The following SBNO1 variants were observed in gnomAD, a reference collection of about 807,000 sequenced individuals.
SBNO1 encodes the protein protein strawberry notch homolog 1.
SBNO1 carries 23 observed loss-of-function variants against 173.6 expected under a neutral mutation model. The ratio of observed to expected loss-of-function variants is 0.13; its 90% CI spans 0.10 to 0.19. SBNO1 has a LOEUF of 0.19. Ranked by LOEUF, SBNO1 falls within the 10% of genes least tolerant of loss-of-function variation. The pLI is 1.00. For missense variants in SBNO1, 1,238 were observed against 1,671.2 expected (o/e 0.74, Z 4.52); for synonymous variants, 632 against 571.5 (o/e 1.11, Z -1.51).
At chr12:123,342,638 T>C (rs1238899498) in intron 4 of SBNO1, among the ~76,000 whole-genome samples, 3 of 152,222 alleles carry the variant, frequency 2.0e-5, no homozygotes. Flanking sequence ...CACTTTCTTC[T>C]ATACCACTGG....
chr12:123,322,518 G>A (rs560207762), intron 16 of SBNO1, among the ~76,000 whole-genome samples: 5 of 151,800 alleles, frequency 3.3e-5, no homozygotes, highest in Non-Finnish European at 5.9e-5. Flanking sequence ...GGCTGGTCTC[G>A]AACTCCTGAC....
chr12:123,305,265 C>T (rs2048885247), intron 28 of SBNO1, among the ~76,000 whole-genome samples: 1 of 152,210 alleles, frequency 6.6e-6, no homozygotes, highest in African/African-American at 2.4e-5. Flanking sequence ...CAGTCCTCTG[C>T]ACTTGTCTAC....
In SBNO1 at chr12:123,298,046, G is replaced by A. The variant is rs1345947566; in HGVS notation, c.3971C>T (p.Ser1324Phe). Reference sequence around the variant, plus strand: ...CATCTTCACGTTTGTGCCACTGACAGATGCTAGAACACCCTCAACTTTTGT... The same window carrying A: ...CATCTTCACGTTTGTGCCACTGACAAATGCTAGAACACCCTCAACTTTTGT... ...VWTKVEGVLA[S>F]VSGTNVKMQI... is the part of the protein sequence containing the mutation. Residue 1324 changes from serine (S) to phenylalanine (F), a missense_variant, in exon 31 of 32, where the codon TCT becomes TTT. Transcript: ENST00000602398. The A allele has an allele frequency of 6.2e-7, 1 of 1,614,048 alleles. No homozygotes were observed. The highest frequency in any genetic ancestry group is 8.5e-7 in the Non-Finnish European group (1 of 1,179,992).
At position 123,346,068 on chromosome 12, in the gene SBNO1, T is replaced by C. The variant is rs537919659; in HGVS notation, c.238-498A>G. ...GGTATAGTTGTAATATAACCCTTTC[T>C]ATAACTGTCAGGGATGGCAAGCATA... is the stretch of plus-strand genomic sequence containing the variant. On this transcript the variant is annotated intron_variant, in intron 3 of 31. Coordinates refer to ENST00000602398, the MANE Select transcript of SBNO1 (RefSeq NM_001167856.3). Among the ~76,000 whole-genome samples, 3 of 152,326 alleles carry C rather than the reference T, an allele frequency of 2.0e-5. No individual in the cohort carries two copies. The South Asian group carries it at 6.2e-4, about 32-fold the overall frequency.
At chr12:123,307,020 T>TTAAAAA (rs755357101) in intron 28 of SBNO1, among the ~76,000 whole-genome samples, 11 of 64,416 alleles carry the variant, frequency 1.7e-4, no homozygotes, top group African/African-American at 2.4e-4. Context: ...TCAACTGCAT[T>TTAAAAA]AAAAAAAAAA....
chr12:123,333,804 C>T (rs1871521285), intron 7 of SBNO1, among the ~76,000 whole-genome samples: 1 of 152,084 alleles, frequency 6.6e-6, no homozygotes. Flanking sequence ...GGTCGATATA[C>T]ATATTTTTAA....
intron 3 of SBNO1, among the ~76,000 whole-genome samples, chr12:123,347,801 C>T (rs1201966820): frequency 6.6e-6 from 1 of 151,616 alleles, no homozygotes; most frequent in Non-Finnish European, 1.5e-5. Flanking sequence ...TCCCAAAGTG[C>T]CAGGATTACA....
chr12:123,318,364 G>A (rs369076321), intron 20 of SBNO1, among the ~76,000 whole-genome samples: 9 of 150,942 alleles, frequency 6.0e-5, no homozygotes, highest in South Asian at 4.2e-4. Context: ...GCTTGAACCC[G>A]GGAGGTGGAG....
At chr12:123,332,676 CCTGA>C (rs1871355365) in intron 7 of SBNO1, among the ~76,000 whole-genome samples, 1 of 152,110 alleles carries the variant, frequency 6.6e-6, no homozygotes, top group African/African-American at 2.4e-5. Flanking sequence ...AAGTGATTCT[CCTGA>C]CTTAGCTTCC....
chr12:123,295,920 C>T lies in SBNO1; in HGVS notation c.4170G>A (p.Leu1390=), dbSNP rs367778431. ...ACCTGTCTGTTCTTCATGCGTTGCT[C>T]AAGTTGGTGATGCTCTGAGGGTGAT... is the stretch of plus-strand genomic sequence containing the variant. ...QQHHPQSITN[L]SNA is the part of the protein sequence containing the mutation. The change falls in exon 32 of 32, where the codon TTG becomes TTA. Residue 1390 remains leucine, a synonymous_variant. Transcript: ENST00000602398. The T allele has an allele frequency of 6.2e-7, 1 of 1,613,326 alleles. No individual in the cohort carries two copies. Among genetic ancestry groups the T allele is most frequent in the Non-Finnish European group, 8.5e-7 (1 of 1,179,436 alleles).
Position 123,322,435 on chromosome 12 carries a change from T to C in SBNO1, c.2126-703A>G, listed in dbSNP as rs770945208. On this transcript the variant is annotated intron_variant, in intron 16 of 31. Coordinates refer to ENST00000602398, the MANE Select transcript of SBNO1 (RefSeq NM_001167856.3). ...TCAGCCTCCCTTATAGCTGGGATTA[T>C]AAGGCGCCCCTGCCGCCAGTCCTGG... 3.9e-5 allele frequency among the ~76,000 whole-genome samples: 6 copies of C among 152,232 alleles called. No homozygotes were observed. The South Asian group carries it at 1.2e-3, about 32-fold the overall frequency.
chr12:123,306,979 T>G (rs1446257613), intron 28 of SBNO1, among the ~76,000 whole-genome samples: 1 of 146,292 alleles, frequency 6.8e-6, no homozygotes, highest in Non-Finnish European at 1.5e-5. Flanking sequence ...GCCTAGGAGT[T>G]TGAGACCAGC....
chr12:123,363,908 C>CTT (rs1260182069), intron 1 of SBNO1: 15 of 985,344 alleles, frequency 1.5e-5, no homozygotes, highest in Non-Finnish European at 1.7e-5. Flanking sequence ...ACATCCAAAT[C>CTT]TCCTCAGCGG....
At chr12:123,363,753 G>A (rs1327557939) in intron 1 of SBNO1, 8 of 633,898 alleles carry the variant, frequency 1.3e-5, no homozygotes, top group Non-Finnish European at 1.6e-5. Context: ...ACAGTAAACC[G>A]AGCACGCACA....
chr12:123,364,707 C>T lies in SBNO1; in HGVS notation c.-7G>A, dbSNP rs1875944328. 13 of 984,142 alleles carry T rather than the reference C, an allele frequency of 1.3e-5. No individual in the cohort carries two copies. The highest frequency in any genetic ancestry group is 1.8e-5 in the African/African-American group (1 of 57,016). The allele number at this position is 984,142 out of a possible 1,614,324, so 61.0% of individuals were successfully genotyped here. ...GGCCAAGGGAAGGACTTACTTTCCC[C>T]GCGGGACCCGGCGCCAGCACAGCTC... On this transcript the variant is annotated 5_prime_UTR_variant, in exon 1 of 32. Coordinates refer to ENST00000602398, the MANE Select transcript of SBNO1 (RefSeq NM_001167856.3).
rs556273248 is a variant in SBNO1, at chr12:123,332,847, G to A, written c.909+1206C>T. On this transcript the variant is annotated intron_variant, in intron 7 of 31. Transcript: ENST00000602398. The stretch of plus-strand genomic sequence containing the variant: ...CCTCCCAAAGTACTGGGATTGGGCC[G>A]GGCACGGTGGCTCACACCTGTAATC... Among the ~76,000 whole-genome samples the A allele has an allele frequency of 1.7e-4, 26 of 152,280 alleles. No individual in the cohort carries two copies. The South Asian group carries it at 3.3e-3, about 19-fold the overall frequency.
intron 29 of SBNO1, among the ~76,000 whole-genome samples, chr12:123,303,969 C>CT (rs1378778326): frequency 7.1e-6 from 1 of 141,096 alleles, no homozygotes; most frequent in Admixed American, 7.4e-5. Context: ...CTCTGTCTCC[C>CT]TGGCTGGAGT....
chr12:123,323,780 T>C lies in SBNO1; in HGVS notation c.2025A>G (p.Lys675=), dbSNP rs761603010. The C allele has an allele frequency of 1.9e-6, 3 of 1,613,124 alleles. No homozygotes were observed. Among genetic ancestry groups the C allele is most frequent in the Non-Finnish European group, 1.7e-6 (2 of 1,179,602 alleles). The change falls in exon 16 of 32, where the codon AAA becomes AAG. Residue 675 remains lysine, a synonymous_variant. Transcript: ENST00000602398. The stretch of plus-strand genomic sequence containing the variant: ...CGATTCCTAGTAAACTATAAAGTTT[T>C]TTCCTGTCTGGAGCAGGAAAATGTT... ...IEKHFPAPDR[K]KLYSLLGIDL... is the part of the protein sequence containing the mutation.
At position 123,323,851 on chromosome 12, in the gene SBNO1, A is replaced by AC. The variant is rs779579410; in HGVS notation, c.1974-21dup. On this transcript the variant is annotated intron_variant, in intron 15 of 31. Coordinates refer to ENST00000602398, the MANE Select transcript of SBNO1 (RefSeq NM_001167856.3). The stretch of plus-strand genomic sequence containing the variant: ...ACACCTCTGTAGGAGAGAAACAGTG[A>AC]CAATTACTGCTTCAGTTGACAAAAT... The AC allele has an allele frequency of 1.9e-6, 3 of 1,556,926 alleles. No homozygotes were observed. The highest frequency in any genetic ancestry group is 2.6e-6 in the Non-Finnish European group (3 of 1,157,270).
Sources: gnomAD v4.1 joint callset for allele counts (sites outside exome capture counted in the v4.1 genomes callset) on GRCh38, gnomAD v4.1.1 for gene constraint, MANE v1.5 for transcripts, NCBI Gene and HGNC (gene_info 2026-07-23, HGNC 2026-07-21) for gene names.